RUFY4: variants seen among roughly 807,000 people sequenced by gnomAD.
The protein encoded by RUFY4 is RUN and FYVE domain containing 4.
In RUFY4, 73 loss-of-function variants were observed where a neutral mutation model predicts 69.0. That is an observed-to-expected ratio of 1.06 (90% CI 0.88 to 1.29). The LOEUF is 1.29. RUFY4 is among the 50% of genes most tolerant of loss of function. The probability of loss-of-function intolerance (pLI) is 0.00; values close to 1 mark genes in which losing one functional copy is unlikely to be tolerated. For missense variants in RUFY4, 770 were observed against 705.6 expected, an observed-to-expected ratio of 1.09 and a Z score of -1.03; for synonymous variants, 287 against 271.8, an observed-to-expected ratio of 1.06 and a Z score of -0.55.
At chr2:218,072,580 C>A in intron 3 of RUFY4, 81 bp downstream of exon 5, 5 of 1,499,044 alleles carry the variant, frequency 3.3e-6, no homozygotes, top group African/African-American at 2.8e-5. Flanking sequence ...CCTGCTCTAC[C>A]GACCATAGAC....
intron 10 of RUFY4, 107 bp downstream of exon 12, chr2:218,089,469 TA>T: frequency 1.1e-6 from 1 of 877,388 alleles, no homozygotes; most frequent in African/African-American, 1.7e-5. Flanking sequence ...TGGGTGTTTA[TA>T]AAAGGCCACT....
intron 7 of RUFY4, among the ~76,000 whole-genome samples, 159 bp downstream of exon 9, chr2:218,075,899 A>T (rs75107778): frequency 0.065 from 9,919 of 151,938 alleles, 1,037 homozygotes; most frequent in African/African-American, 0.22. Context: ...AAAGCCATAC[A>T]TTCTTCAGGT....
upstream of RUFY4, chr2:218,068,790 CT>C (rs1431087403): frequency 6.6e-6 from 1 of 152,292 alleles, no homozygotes; most frequent in Non-Finnish European, 1.5e-5. Context: ...GGATTCGGCA[CT>C]GGTGACCAGC....
intron 9 of RUFY4, 51 bp downstream of exon 11, chr2:218,083,307 G>GA: frequency 6.5e-7 from 1 of 1,528,984 alleles, no homozygotes; most frequent in South Asian, 1.3e-5. Context: ...AACGGTAAGG[G>GA]ATGTGGAGCC....
chr2:218,047,402 AT>A (rs932640873), intron 2 of RUFY4, among the ~76,000 whole-genome samples: 2 of 150,882 alleles, frequency 1.3e-5, no homozygotes, highest in African/African-American at 2.4e-5. Flanking sequence ...GTATCTATTC[AT>A]TTTTTTTTGT....
chr2:218,084,238 GTT>G (rs887089619), intron 9 of RUFY4, among the ~76,000 whole-genome samples: 3 of 144,246 alleles, frequency 2.1e-5, no homozygotes, highest in Admixed American at 6.9e-5. Context: ...TTGTTTGCTT[GTT>G]TTTTTTTTTT....
At chr2:218,083,342 TCA>T in intron 9 of RUFY4, 86 bp downstream of exon 11, 1 of 1,485,032 alleles carries the variant, frequency 6.7e-7, no homozygotes, top group Non-Finnish European at 9.0e-7. Flanking sequence ...TCTACTCCAC[TCA>T]CAACTCCCAA....
At chr2:218,069,768 A>T (rs1401102114), upstream of RUFY4, among the ~76,000 whole-genome samples, 1 of 151,996 alleles carries the variant, frequency 6.6e-6, no homozygotes, top group Non-Finnish European at 1.5e-5. Context: ...ACAGCCCGGG[A>T]GGCAGGACAC....
intron 8 of RUFY4, among the ~76,000 whole-genome samples, chr2:218,077,123 A>C (rs1574513697): frequency 6.6e-6 from 1 of 152,022 alleles, no homozygotes; most frequent in Non-Finnish European, 1.5e-5. Flanking sequence ...CAATTCACCC[A>C]CCATTGGCTA....
At chr2:218,064,859 C>T (rs1172335539), upstream of RUFY4, among the ~76,000 whole-genome samples, 1 of 152,164 alleles carries the variant, frequency 6.6e-6, no homozygotes, top group South Asian at 2.1e-4. Context: ...CACCCAGCAC[C>T]CATCCTATCC....
intron 2 of RUFY4, among the ~76,000 whole-genome samples, chr2:218,050,214 G>A (rs7588208): frequency 6.6e-5 from 10 of 152,204 alleles, no homozygotes; most frequent in Admixed American, 2.6e-4. Context: ...TTCAGTGTCC[G>A]CTCCTGCAGC....
exon 4 of RUFY4, chr2:218,072,815 C>T (rs964068397): frequency 9.1e-6 from 14 of 1,535,874 alleles, no homozygotes; most frequent in African/African-American, 1.4e-5. Context: ...TGCCTTCATC[C>T]GCTTCTGCCT....
intron 9 of RUFY4, among the ~76,000 whole-genome samples, chr2:218,088,820 TCTC>T (rs1364906442): frequency 6.6e-6 from 1 of 152,064 alleles, no homozygotes; most frequent in African/African-American, 2.4e-5. Flanking sequence ...ATCTGTGTCT[TCTC>T]CTCTGTCTCC....
intron 2 of RUFY4, among the ~76,000 whole-genome samples, chr2:218,046,862 C>G (rs1050847778): frequency 2.6e-5 from 4 of 152,080 alleles, no homozygotes; most frequent in African/African-American, 4.8e-5. Context: ...AGGGACCCTT[C>G]TGGAAACTCT....
intron 2 of RUFY4, among the ~76,000 whole-genome samples, chr2:218,053,637 G>A (rs1688993464): frequency 6.6e-6 from 1 of 152,154 alleles, no homozygotes; most frequent in Non-Finnish European, 1.5e-5. Context: ...AGCCTCCCGG[G>A]TAACTGGGAC....
intron 9 of RUFY4, among the ~76,000 whole-genome samples, chr2:218,087,895 G>A (rs1322572079): frequency 6.6e-6 from 1 of 152,132 alleles, no homozygotes; most frequent in Non-Finnish European, 1.5e-5. Flanking sequence ...AACTATGTTA[G>A]GAGGGTGAGT....
At chr2:218,081,600 C>T (rs1003160811) in intron 8 of RUFY4, among the ~76,000 whole-genome samples, 14 of 152,170 alleles carry the variant, frequency 9.2e-5, no homozygotes, top group Admixed American at 3.3e-4. Flanking sequence ...GTGTTCTCTC[C>T]CACCCCAGAG....
chr2:218,071,036 T>C (rs1038201695), intron 2 of RUFY4, among the ~76,000 whole-genome samples, 177 bp downstream of exon 4: 3 of 152,032 alleles, frequency 2.0e-5, no homozygotes, highest in Admixed American at 1.3e-4. Context: ...GCCTAAGAAG[T>C]GAAGTGGGGC....
chr2:218,042,953 A>G (rs1010196948), intron 2 of RUFY4, among the ~76,000 whole-genome samples: 2 of 152,162 alleles, frequency 1.3e-5, no homozygotes, highest in Non-Finnish European at 2.9e-5. Flanking sequence ...TAGTTTTGTG[A>G]TTGGAGTGTT....
Sources: gnomAD v4.1 joint callset for allele counts (sites outside exome capture counted in the v4.1 genomes callset) on GRCh38, gnomAD v4.1.1 for gene constraint, MANE v1.5 for transcripts, NCBI Gene and HGNC (gene_info 2026-07-23, HGNC 2026-07-21) for gene names.